ADAMTS19: variants seen among roughly 807,000 people sequenced by gnomAD.
ADAMTS19 encodes ADAM metallopeptidase with thrombospondin type 1 motif 19.
Under a neutral mutation model 153.3 loss-of-function variants are expected in ADAMTS19, and 93 were observed. The ratio of observed to expected loss-of-function variants is 0.61; its 90% CI spans 0.51 to 0.72. The LOEUF is 0.72. Among genes scored for constraint, ADAMTS19 ranks in the 30% least tolerant of loss-of-function variants. ADAMTS19 has a pLI of 0.00. For missense variants in ADAMTS19, 1,482 were observed against 1,552.1 expected, an observed-to-expected ratio of 0.95 and a Z score of 0.76; for synonymous variants, 600 against 556.6, an observed-to-expected ratio of 1.08 and a Z score of -1.10.
At chr5:129,499,432 G>A (rs1185653549) in intron 2 of ADAMTS19, among the ~76,000 whole-genome samples, 1 of 152,048 alleles carries the variant, frequency 6.6e-6, no homozygotes, top group East Asian at 1.9e-4. Flanking sequence ...CCAAAGAGTA[G>A]CTTCTATTTA....
At chr5:129,718,208 C>T (rs1176582619) in intron 21 of ADAMTS19, among the ~76,000 whole-genome samples, 1 of 152,084 alleles carries the variant, frequency 6.6e-6, no homozygotes, top group Non-Finnish European at 1.5e-5. Context: ...TTTTGACAGT[C>T]CTTTCACAAC....
intron 15 of ADAMTS19, among the ~76,000 whole-genome samples, chr5:129,660,890 G>A (rs1486418888): frequency 2.0e-5 from 3 of 151,958 alleles, no homozygotes; most frequent in East Asian, 1.9e-4. Flanking sequence ...CTCCAGCCTC[G>A]TGTCACACCA....
Position 129,648,782 on chromosome 5 carries a change from G to C in ADAMTS19, c.2004-16G>C. The C allele has an allele frequency of 6.2e-7, 1 of 1,608,158 alleles. No individual in the cohort carries two copies. The highest frequency in any genetic ancestry group is 8.5e-7 in the Non-Finnish European group (1 of 1,177,586). The stretch of plus-strand genomic sequence containing the variant: ...ATAAAAAACATAAAATTGATTATTT[G>C]TACTTTCTTTTCTAGGCTAGATTCT... On this transcript the variant is annotated splice_polypyrimidine_tract_variant and intron_variant, in intron 12 of 22. Coordinates refer to ENST00000274487, the MANE Select transcript of ADAMTS19 (RefSeq NM_133638.6).
At chr5:129,562,172 TCAAA>T (rs1245119120) in intron 7 of ADAMTS19, among the ~76,000 whole-genome samples, 3 of 152,314 alleles carry the variant, frequency 2.0e-5, no homozygotes, top group East Asian at 3.9e-4. Flanking sequence ...AGCTCATAAC[TCAAA>T]CAATCTCACA....
chr5:129,693,126 T>C (rs930301746), intron 18 of ADAMTS19, among the ~76,000 whole-genome samples: 1 of 152,172 alleles, frequency 6.6e-6, no homozygotes, highest in African/African-American at 2.4e-5. Context: ...TACTACAAAT[T>C]GCGGTAGGAC....
At chr5:129,699,565 A>G (rs1755734491) in intron 19 of ADAMTS19, among the ~76,000 whole-genome samples, 5 of 152,210 alleles carry the variant, frequency 3.3e-5, no homozygotes, top group Admixed American at 2.0e-4. Flanking sequence ...TTCATTAGGT[A>G]GCCTTTGAGC....
intron 21 of ADAMTS19, among the ~76,000 whole-genome samples, chr5:129,711,033 C>T (rs1035718582): frequency 6.6e-6 from 1 of 152,148 alleles, no homozygotes; most frequent in African/African-American, 2.4e-5. Flanking sequence ...GGCAAATACA[C>T]TACCCCAATT....
chr5:129,493,289 A>G lies in ADAMTS19; in HGVS notation c.748-15788A>G, dbSNP rs183553758. On this transcript the variant is annotated intron_variant, in intron 2 of 22. Transcript: ENST00000274487. Reference sequence around the variant, plus strand: ...ATTGAAATTGTGCCTGATTGTTAGAATTTACATTCTTTTAATTGCTGGCCA... The same window carrying G: ...ATTGAAATTGTGCCTGATTGTTAGAGTTTACATTCTTTTAATTGCTGGCCA... 4.8e-3 allele frequency among the ~76,000 whole-genome samples: 730 copies of G among 152,236 alleles called. 3 individuals carry two copies. Among genetic ancestry groups the G allele is most frequent in the Non-Finnish European group, 6.8e-3 (462 of 68,010 alleles).
intron 3 of ADAMTS19, among the ~76,000 whole-genome samples, chr5:129,515,008 G>A (rs766686497): frequency 3.3e-5 from 5 of 151,992 alleles, no homozygotes; most frequent in Non-Finnish European, 5.9e-5. Context: ...TTTGCAAATG[G>A]ATATTCAGTT....
At chr5:129,640,783 A>G (rs1189344846) in intron 10 of ADAMTS19, among the ~76,000 whole-genome samples, 2 of 152,088 alleles carry the variant, frequency 1.3e-5, no homozygotes, top group East Asian at 1.9e-4. Context: ...CTGGATAGGT[A>G]GTAACACAGT....
intron 2 of ADAMTS19, among the ~76,000 whole-genome samples, chr5:129,479,987 C>T (rs186252545): frequency 6.6e-6 from 1 of 152,140 alleles, no homozygotes; most frequent in Admixed American, 6.5e-5. Flanking sequence ...TTCCAGAGAA[C>T]TTAGAAAAGC....
At chr5:129,552,716 T>A (rs991088029) in intron 7 of ADAMTS19, among the ~76,000 whole-genome samples, 5 of 151,376 alleles carry the variant, frequency 3.3e-5, no homozygotes, top group Non-Finnish European at 5.9e-5. Context: ...GAATAATAAA[T>A]AAAAGGGTGT....
At chr5:129,491,633 T>G (rs1050364905) in intron 2 of ADAMTS19, among the ~76,000 whole-genome samples, 1 of 152,198 alleles carries the variant, frequency 6.6e-6, no homozygotes, top group Non-Finnish European at 1.5e-5. Context: ...TCTGCCAAAT[T>G]TATGACTGTT....
chr5:129,641,954 TGGTAA>T lies in ADAMTS19; in HGVS notation c.1872+1_1872+5del. ...CAATGGATGGAACTGACTGTGACCT[TGGTAA>T]GGTAAGTCATTTGTGTTGTCTGAAT... On this transcript the variant is annotated frameshift_variant and splice_region_variant, in exon 11 of 23. Coordinates refer to ENST00000274487, the MANE Select transcript of ADAMTS19 (RefSeq NM_133638.6). LOFTEE classifies it high-confidence loss of function. 6.3e-7 allele frequency: 1 copy of T among 1,587,418 alleles called. No homozygotes were observed. Among genetic ancestry groups the T allele is most frequent in the Non-Finnish European group, 8.6e-7 (1 of 1,163,650 alleles).
intron 2 of ADAMTS19, among the ~76,000 whole-genome samples, chr5:129,467,475 T>A (rs1749904183): frequency 1.3e-5 from 2 of 152,138 alleles, no homozygotes; most frequent in Admixed American, 1.3e-4. Flanking sequence ...AAACTCAGCA[T>A]GGCATAAGAG....
chr5:129,658,047 G>A (rs530458556), intron 14 of ADAMTS19, among the ~76,000 whole-genome samples: 13 of 152,204 alleles, frequency 8.5e-5, no homozygotes, highest in Admixed American at 7.8e-4. Flanking sequence ...CAGTTTGGGA[G>A]GCCAAGGCAG....
At chr5:129,678,254 C>T (rs1002691896) in intron 16 of ADAMTS19, among the ~76,000 whole-genome samples, 2 of 152,268 alleles carry the variant, frequency 1.3e-5, no homozygotes, top group East Asian at 1.9e-4. Context: ...GGTCAAGCTG[C>T]GATGAGCTTT....
chr5:129,596,326 T>C (rs1181562124), intron 7 of ADAMTS19, among the ~76,000 whole-genome samples: 1 of 152,098 alleles, frequency 6.6e-6, no homozygotes, highest in South Asian at 2.1e-4. Context: ...AACTTGATAA[T>C]TGGTAAAATA....
At chr5:129,702,250 C>T (rs773291793) in intron 20 of ADAMTS19, among the ~76,000 whole-genome samples, 5 of 152,046 alleles carry the variant, frequency 3.3e-5, no homozygotes, top group African/African-American at 4.8e-5. Flanking sequence ...TATATCTTTG[C>T]GTAATAATAA....
Sources: gnomAD v4.1 joint callset for allele counts (sites outside exome capture counted in the v4.1 genomes callset) on GRCh38, gnomAD v4.1.1 for gene constraint, MANE v1.5 for transcripts, NCBI Gene and HGNC (gene_info 2026-07-23, HGNC 2026-07-21) for gene names.